Variants in ABRAXAS1 observed in about 807,000 individuals in gnomAD.
The protein encoded by ABRAXAS1 is abraxas 1, BRCA1 A complex subunit.
In ABRAXAS1, 26 loss-of-function variants were observed where a neutral mutation model predicts 38.4. The ratio of observed to expected loss-of-function variants is 0.68; its 90% CI spans 0.50 to 0.94. ABRAXAS1 has a LOEUF of 0.94. Ranked by LOEUF, ABRAXAS1 falls within the 40% of genes least tolerant of loss-of-function variation. ABRAXAS1 has a pLI of 0.00. For missense variants in ABRAXAS1, 438 were observed against 481.9 expected (o/e 0.91, Z 0.85); for synonymous variants, 144 against 165.5 (o/e 0.87, Z 1.00).
intron 3 of ABRAXAS1, among the ~76,000 whole-genome samples, chr4:83,475,526 CT>C (rs1277669137): frequency 2.6e-5 from 4 of 152,122 alleles, no homozygotes; most frequent in African/African-American, 9.7e-5. Context: ...TCACTTCAGC[CT>C]CTTTCTCCTG....
At chr4:83,470,505 A>C in intron 4 of ABRAXAS1, 109 bp from the exon 5 acceptor site, 1 of 775,612 alleles carries the variant, frequency 1.3e-6, no homozygotes, top group Non-Finnish European at 2.0e-6. Context: ...TAATATTTAG[A>C]AAGATTTGGG....
intron 3 of ABRAXAS1, among the ~76,000 whole-genome samples, chr4:83,474,572 G>A (rs2067997297): frequency 6.6e-6 from 1 of 151,950 alleles, no homozygotes. Flanking sequence ...AAAATCAGCC[G>A]GGCTTGGTGG....
chr4:83,482,143 A>C lies in ABRAXAS1; in HGVS notation c.178+11T>G. 1 of 1,545,034 alleles carries C rather than the reference A, an allele frequency of 6.5e-7. No homozygotes were observed. The highest frequency in any genetic ancestry group is 8.9e-7 in the Non-Finnish European group (1 of 1,123,652). On this transcript the variant is annotated intron_variant, in intron 2 of 8. Coordinates refer to ENST00000321945, the MANE Select transcript of ABRAXAS1 (RefSeq NM_139076.3). ...CAGATGATTCAAATATAGGAGAAAT[A>C]AATAACTCACCAATTGTATAAACAA... is the stretch of plus-strand genomic sequence containing the variant.
At position 83,470,346 on chromosome 4, in the gene ABRAXAS1, C is replaced by T. The variant is rs751175389; in HGVS notation, c.333G>A (p.Thr111=). ...TTTTGTGAAGCAGCCTCTCTCTAAA[C>T]GTCATGATCTGATCTGAATGACGAC... The part of the protein sequence containing the change: ...KFRRHSDQIM[T]FRERLLHKNL... The change falls in exon 5 of 9, where the codon ACG becomes ACA. Residue 111 remains threonine, a synonymous_variant. Transcript: ENST00000321945. 8.1e-6 allele frequency: 13 copies of T among 1,613,778 alleles called. No individual in the cohort carries two copies. Among genetic ancestry groups the T allele is most frequent in the African/African-American group, 8.0e-5 (6 of 74,906 alleles).
At chr4:83,464,572 G>T (rs1170095371) in intron 7 of ABRAXAS1, among the ~76,000 whole-genome samples, 1 of 152,238 alleles carries the variant, frequency 6.6e-6, no homozygotes, top group East Asian at 1.9e-4. Context: ...CAGTTTTAGT[G>T]GACACTTTTT....
intron 4 of ABRAXAS1, among the ~76,000 whole-genome samples, chr4:83,470,696 T>C (rs1722549065): frequency 6.6e-6 from 1 of 152,208 alleles, no homozygotes; most frequent in Non-Finnish European, 1.5e-5. Context: ...AATCTCACTC[T>C]TTAGTCAAAA....
intron 3 of ABRAXAS1, among the ~76,000 whole-genome samples, chr4:83,473,301 T>C (rs1433390811): frequency 6.6e-6 from 1 of 152,140 alleles, no homozygotes; most frequent in East Asian, 1.9e-4. Context: ...CCAATATTTG[T>C]CTACTTACAG....
At chr4:83,470,034 C>T (rs924133869) in intron 5 of ABRAXAS1, 169 bp downstream of exon 5, 3 of 491,300 alleles carry the variant, frequency 6.1e-6, no homozygotes, top group African/African-American at 5.9e-5. Flanking sequence ...CTTGTCTGAC[C>T]ATTATTTTCC....
chr4:83,464,734 G>A (rs567034864), intron 7 of ABRAXAS1, among the ~76,000 whole-genome samples: 26 of 152,268 alleles, frequency 1.7e-4, no homozygotes, highest in African/African-American at 5.3e-4. Context: ...ATAGCCAATT[G>A]GCAGATCTTA....
chr4:83,471,189 ATCTTTTTTTTTTTTTTTTT>A (rs1722572830), intron 4 of ABRAXAS1, among the ~76,000 whole-genome samples: 1 of 124,104 alleles, frequency 8.1e-6, no homozygotes, highest in Non-Finnish European at 1.7e-5. Flanking sequence ...TGAAAGAAAC[ATCTTTTTTTTTTTTTTTTT>A]TTTTTTTTTT....
At position 83,470,413 on chromosome 4, in the gene ABRAXAS1, A is replaced by G. The variant is rs778038758; in HGVS notation, c.283-17T>C. On this transcript the variant is annotated splice_polypyrimidine_tract_variant and intron_variant, in intron 4 of 8. Transcript: ENST00000321945. Reference sequence around the variant, plus strand: ...TACCACATTCTGAAATACAGAATAAAAAGGATATACATCTTAATAGTTACA... The same window carrying G: ...TACCACATTCTGAAATACAGAATAAGAAGGATATACATCTTAATAGTTACA... The G allele has an allele frequency of 6.3e-7, 1 of 1,579,090 alleles. No individual in the cohort carries two copies. The highest frequency in any genetic ancestry group is 8.7e-7 in the Non-Finnish European group (1 of 1,151,006).
At chr4:83,476,800 T>G (rs551677396) in intron 2 of ABRAXAS1, 121 bp from the exon 3 acceptor site, 2 of 626,216 alleles carry the variant, frequency 3.2e-6, no homozygotes, top group Non-Finnish European at 5.8e-6. Flanking sequence ...CTGATTTTTA[T>G]CCTCACAACA....
intron 2 of ABRAXAS1, among the ~76,000 whole-genome samples, chr4:83,480,535 A>C (rs910401526): frequency 6.6e-6 from 1 of 152,190 alleles, no homozygotes; most frequent in African/African-American, 2.4e-5. Context: ...ATATATTTCT[A>C]TTTTTAAACT....
chr4:83,477,883 G>C (rs1293670280), intron 2 of ABRAXAS1: 4 of 740,764 alleles, frequency 5.4e-6, no homozygotes, highest in Non-Finnish European at 9.9e-6. Context: ...TAATCAACAT[G>C]ATCTGTGGGG....
In ABRAXAS1 at chr4:83,461,384, T is replaced by C; in HGVS notation, c.*1085A>G. 1 of 565,096 alleles carries C rather than the reference T, an allele frequency of 1.8e-6. No individual in the cohort carries two copies. The highest frequency in any genetic ancestry group is 3.2e-6 in the Non-Finnish European group (1 of 315,172). 35.0% of individuals were successfully genotyped at this position (565,096 alleles called of 1,614,324 possible). A position where few individuals can be genotyped will look rare whatever the true frequency, so the allele number is the denominator to read the frequency against. On this transcript the variant is annotated 3_prime_UTR_variant, in exon 9 of 9. Transcript: ENST00000321945. The stretch of plus-strand genomic sequence containing the variant: ...AAATGTTAACACTCATCACATTTTA[T>C]CTATGTTGAATAAAAGTGGTTCTGT...
rs534293909 is a variant in ABRAXAS1, at chr4:83,459,705, CT to C, written c.*2763del. 2,101 of 1,565,954 alleles carry C rather than the reference CT, an allele frequency of 1.3e-3. 12 individuals carry two copies. The highest frequency in any genetic ancestry group is 9.1e-3 in the South Asian group (785 of 86,404). Reference sequence around the variant, plus strand: ...CACATTCAGAAATAAATAACAGATACTTTTTTTTCCCCTCCACATAAAACTC... The same window carrying C: ...CACATTCAGAAATAAATAACAGATACTTTTTTTCCCCTCCACATAAAACTC... On this transcript the variant is annotated 3_prime_UTR_variant, in exon 9 of 9. Coordinates refer to ENST00000321945, the MANE Select transcript of ABRAXAS1 (RefSeq NM_139076.3).
At chr4:83,484,852 C>A (rs1187044979) in intron 1 of ABRAXAS1, 134 bp downstream of exon 1, 33 of 667,532 alleles carry the variant, frequency 4.9e-5, no homozygotes, top group Non-Finnish European at 4.7e-6. Context: ...GGAGAGAAGG[C>A]AGAGCCGCGA....
intron 5 of ABRAXAS1, chr4:83,469,477 C>T (rs972132846): frequency 4.5e-5 from 10 of 222,314 alleles, no homozygotes; most frequent in East Asian, 1.0e-4. Flanking sequence ...TCACCACACC[C>T]GACTAATTTT....
chr4:83,484,768 C>T (rs920603844), intron 1 of ABRAXAS1: 4 of 421,588 alleles, frequency 9.5e-6, no homozygotes, highest in Non-Finnish European at 1.7e-5. Flanking sequence ...AGGGAAATAA[C>T]GGAGGATAGC....
Sources: gnomAD v4.1 joint callset for allele counts (sites outside exome capture counted in the v4.1 genomes callset) on GRCh38, gnomAD v4.1.1 for gene constraint, MANE v1.5 for transcripts, NCBI Gene and HGNC (gene_info 2026-07-23, HGNC 2026-07-21) for gene names.